The following NTRK2 variants were observed in gnomAD, a reference collection of about 807,000 sequenced individuals.
The protein encoded by NTRK2 is neurotrophic receptor tyrosine kinase 2.
A neutral mutation model predicts 94.5 loss-of-function variants in NTRK2; 13 were observed. That is an observed-to-expected ratio of 0.14 (90% CI 0.09 to 0.22). NTRK2 has a LOEUF of 0.22. NTRK2 is among the 10% of genes least tolerant of loss of function. NTRK2 has a pLI of 1.00. For missense variants in NTRK2, 639 were observed against 1,071.2 expected (o/e 0.60, Z 5.63); for synonymous variants, 372 against 407.4 (o/e 0.91, Z 1.05).
At chr9:84,818,547 T>C (rs1158135545) in intron 12 of NTRK2, among the ~76,000 whole-genome samples, 2 of 152,232 alleles carry the variant, frequency 1.3e-5, no homozygotes, top group Non-Finnish European at 2.9e-5. Context: ...AATTGGCACA[T>C]ACATTTTAAA....
At position 84,752,049 on chromosome 9, in the gene NTRK2, C is replaced by T; in HGVS notation, c.1360C>T (p.Leu454Phe). 1 of 1,613,978 alleles carries T rather than the reference C, an allele frequency of 6.2e-7. No homozygotes were observed. The change falls in exon 12 of 19, where the codon CTT becomes TTT. Residue 454 changes from leucine (L) to phenylalanine (F), a missense_variant. Physicochemically the swap from Leu to Phe is conservative, Grantham distance 22. Coordinates refer to ENST00000277120, the MANE Select transcript of NTRK2 (RefSeq NM_006180.6). ...TTGCCTTTTGGTAATGCTGTTTCTG[C>T]TTAAGTTGGCAAGACACTCCAAGTT... ...GFCLLVMLFL[L>F]KLARHSKFGM...
intron 12 of NTRK2, among the ~76,000 whole-genome samples, chr9:84,839,569 T>C (rs2074058374): frequency 6.6e-6 from 1 of 152,206 alleles, no homozygotes; most frequent in South Asian, 2.1e-4. Flanking sequence ...ACCATCTTGC[T>C]GCATTAGGTC....
Position 84,710,631 on chromosome 9 carries a change from C to G in NTRK2, c.429-6C>G. ...CTTGATCTGTTGTCATTTTTGTTCC[C>G]TGTAGGATCCTGGTGGGCAATCCAT... is the stretch of plus-strand genomic sequence containing the variant. On this transcript the variant is annotated splice_region_variant and splice_polypyrimidine_tract_variant and intron_variant, in intron 5 of 18. Coordinates refer to ENST00000277120, the MANE Select transcript of NTRK2 (RefSeq NM_006180.6). The G allele has an allele frequency of 2.5e-6, 4 of 1,614,064 alleles. No homozygotes were observed. Among genetic ancestry groups the G allele is most frequent in the Non-Finnish European group, 3.4e-6 (4 of 1,179,984 alleles).
intron 12 of NTRK2, among the ~76,000 whole-genome samples, chr9:84,804,917 G>A (rs1345730930): frequency 6.6e-6 from 1 of 152,216 alleles, no homozygotes; most frequent in Non-Finnish European, 1.5e-5. Context: ...CCATGTGGTA[G>A]TAGTAAAGCC....
intron 2 of NTRK2, among the ~76,000 whole-genome samples, chr9:84,697,116 AC>A (rs753103618): frequency 1.1e-4 from 16 of 152,306 alleles, no homozygotes; most frequent in Admixed American, 3.3e-4. Context: ...ACCAAATGAA[AC>A]AAAAAATCCG....
At chr9:84,694,512 A>C (rs2060243392) in intron 2 of NTRK2, among the ~76,000 whole-genome samples, 1 of 152,132 alleles carries the variant, frequency 6.6e-6, no homozygotes, top group Non-Finnish European at 1.5e-5. Flanking sequence ...CCCCCTCAAG[A>C]ATAGAGCCAC....
chr9:84,953,396 G>C (rs1230345075), intron 16 of NTRK2, among the ~76,000 whole-genome samples: 2 of 152,198 alleles, frequency 1.3e-5, no homozygotes, highest in Non-Finnish European at 2.9e-5. Context: ...CCTTAGCAAG[G>C]GGCAGTTAGT....
chr9:84,972,245 T>G (rs1826274873), intron 17 of NTRK2, among the ~76,000 whole-genome samples: 1 of 152,164 alleles, frequency 6.6e-6, no homozygotes, highest in Non-Finnish European at 1.5e-5. Flanking sequence ...CATAGAAGTT[T>G]CATGAAGCAG....
intron 10 of NTRK2, among the ~76,000 whole-genome samples, chr9:84,742,793 T>TTTTTTTTTTG (rs1404454049): frequency 3.7e-4 from 7 of 19,134 alleles, no homozygotes; most frequent in African/African-American, 7.4e-4. Flanking sequence ...ATATTAGTTT[T>TTTTTTTTTTG]TTTTTTTTTT....
At chr9:84,684,208 A>G (rs77632088) in intron 2 of NTRK2, among the ~76,000 whole-genome samples, 23 of 152,038 alleles carry the variant, frequency 1.5e-4, no homozygotes, top group African/African-American at 5.3e-4. Context: ...AGTAGATCCC[A>G]TTTGTCAAGT....
intron 14 of NTRK2, among the ~76,000 whole-genome samples, chr9:84,881,908 C>T (rs1474837102): frequency 1.3e-5 from 2 of 152,178 alleles, no homozygotes; most frequent in Non-Finnish European, 2.9e-5. Context: ...AGAATAATTT[C>T]TCACAAGGCC....
At chr9:84,916,171 A>G (rs1169347419) in intron 14 of NTRK2, among the ~76,000 whole-genome samples, 3 of 151,876 alleles carry the variant, frequency 2.0e-5, no homozygotes, top group Non-Finnish European at 4.4e-5. Flanking sequence ...TAGTTTAGCA[A>G]GCAGAAGAGT....
At chr9:84,738,526 A>G (rs1588270052) in intron 9 of NTRK2, among the ~76,000 whole-genome samples, 1 of 152,252 alleles carries the variant, frequency 6.6e-6, no homozygotes, top group Non-Finnish European at 1.5e-5. Flanking sequence ...TTCTGTCAGC[A>G]TTTAAAATGA....
At chr9:84,797,370 T>A (rs1399932188) in intron 12 of NTRK2, among the ~76,000 whole-genome samples, 2 of 150,788 alleles carry the variant, frequency 1.3e-5, no homozygotes, top group Non-Finnish European at 2.9e-5. Context: ...TTATTTACTA[T>A]TTGTCCCTTT....
chr9:84,718,186 T>G (rs527366627), intron 6 of NTRK2, among the ~76,000 whole-genome samples: 1 of 152,258 alleles, frequency 6.6e-6, no homozygotes, highest in African/African-American at 2.4e-5. Context: ...ATATCAGATT[T>G]AAGAATAATA....
chr9:85,013,643 C>T (rs2133541685), intron 17 of NTRK2, among the ~76,000 whole-genome samples: 1 of 152,266 alleles, frequency 6.6e-6, no homozygotes, highest in South Asian at 2.1e-4. Context: ...TCTAGCTATT[C>T]CTTAAAGTTT....
chr9:84,838,052 G>A (rs530561896), intron 12 of NTRK2, among the ~76,000 whole-genome samples: 3 of 152,316 alleles, frequency 2.0e-5, no homozygotes, highest in Admixed American at 2.0e-4. Flanking sequence ...TTCAAAAATA[G>A]TGGAGAATCA....
At chr9:84,888,391 A>G (rs1357153616) in intron 14 of NTRK2, among the ~76,000 whole-genome samples, 1 of 151,836 alleles carries the variant, frequency 6.6e-6, no homozygotes, top group African/African-American at 2.4e-5. Flanking sequence ...CGGGTGGATC[A>G]CAAGGTCAAG....
Position 85,025,111 on chromosome 9 carries a change from T to G in NTRK2, c.*3674T>G, listed in dbSNP as rs542722248. Reference sequence around the variant, plus strand: ...TTAGTGCTTCCATACTCCACGTGGGTAGGACTACATCACACTTTTCAACTC... The same window carrying G: ...TTAGTGCTTCCATACTCCACGTGGGGAGGACTACATCACACTTTTCAACTC... On this transcript the variant is annotated 3_prime_UTR_variant, in exon 19 of 19. Transcript: ENST00000277120. 4.3e-6 allele frequency: 1 copy of G among 233,016 alleles called. No individual in the cohort carries two copies. Among genetic ancestry groups the G allele is most frequent in the East Asian group, 6.0e-5 (1 of 16,550 alleles). 14.4% of individuals were successfully genotyped at this position (233,016 alleles called of 1,614,324 possible).
Sources: gnomAD v4.1 joint callset for allele counts (sites outside exome capture counted in the v4.1 genomes callset) on GRCh38, gnomAD v4.1.1 for gene constraint, MANE v1.5 for transcripts, NCBI Gene and HGNC (gene_info 2026-07-23, HGNC 2026-07-21) for gene names.